Variants in B4GALT1 observed in about 807,000 individuals in gnomAD.
The protein encoded by B4GALT1 is N-acetyllactosamine synthase.
Under a neutral mutation model 34.9 loss-of-function variants are expected in B4GALT1, and 16 were observed. The observed-to-expected ratio is 0.46, with a 90% CI of 0.31 to 0.70. The LOEUF (loss-of-function observed/expected upper bound fraction) is 0.70. Among genes scored for constraint, B4GALT1 ranks in the 30% least tolerant of loss-of-function variants. The pLI is 0.05. For synonymous variants in B4GALT1, 221 were observed against 218.1 expected (o/e 1.01, Z -0.12); for missense variants, 445 against 530.5 (o/e 0.84, Z 1.58).
In B4GALT1 at chr9:33,167,116, G is replaced by C. The variant is rs765761193; in HGVS notation, c.54C>G (p.Ser18=). 6.2e-6 allele frequency: 10 copies of C among 1,603,864 alleles called. No individual in the cohort carries two copies. The African/African-American group carries it at 9.4e-5, about 15-fold the overall frequency. The part of the protein sequence containing the change: ...LSGSAAMPGA[S]LQRACRLLVA... ...CGAGCAGGCGGCAGGCCCGCTGTAG[G>C]GACGCGCCTGGCATCGCGGCGCTGC... Residue 18 remains serine, a synonymous_variant, in exon 1 of 6, where the codon TCC becomes TCG. Transcript: ENST00000379731.
chr9:33,181,581 T>C, the B4GALT1 span, among the ~76,000 whole-genome samples: 1 of 152,218 alleles, frequency 6.6e-6, no homozygotes, highest in African/African-American at 2.4e-5. Context: ...CACTCTTCCC[T>C]ATGTGGTTGG....
intron 3 of B4GALT1, among the ~76,000 whole-genome samples, chr9:33,120,081 G>A (rs368895702): frequency 6.6e-6 from 1 of 152,028 alleles, no homozygotes; most frequent in African/African-American, 2.4e-5. Context: ...CTACTCAGGA[G>A]GCTGAGGTGA....
intron 4 of B4GALT1, among the ~76,000 whole-genome samples, chr9:33,114,251 G>A (rs1206395673): frequency 1.3e-5 from 2 of 152,248 alleles, no homozygotes; most frequent in Non-Finnish European, 2.9e-5. Context: ...AACCTCTGCT[G>A]GAGCAAGCCT....
In B4GALT1 at chr9:33,112,766, CT is replaced by C. The variant is rs1839882009; in HGVS notation, c.*687del. On this transcript the variant is annotated 3_prime_UTR_variant, in exon 6 of 6. Coordinates refer to ENST00000379731, the MANE Select transcript of B4GALT1 (RefSeq NM_001497.4). ...TACTATTTAAAAAAAAACACAACAA[CT>C]TTACATTCAGAAATCAGACAATCTG... 6.5e-6 allele frequency: 1 copy of C among 153,012 alleles called. No individual in the cohort carries two copies. The allele number at this position is 153,012 out of a possible 1,614,324, so 9.5% of individuals were successfully genotyped here. A position where few individuals can be genotyped will look rare whatever the true frequency, so the allele number is the denominator to read the frequency against.
chr9:33,166,052 C>G (rs1316396826), intron 1 of B4GALT1, among the ~76,000 whole-genome samples: 2 of 152,170 alleles, frequency 1.3e-5, no homozygotes, highest in Admixed American at 6.5e-5. Flanking sequence ...TTTGGGTACC[C>G]ATACCAGGAG....
At position 33,111,505 on chromosome 9, in the gene B4GALT1, G is replaced by C. The variant is rs1329144530; in HGVS notation, c.*1949C>G. ...GGGAACTGACAGAGAAATACTTTTTGCATAGTCCAGCTGCTTCTGCAATGG... is the reference window on the plus strand; with the variant it reads ...GGGAACTGACAGAGAAATACTTTTTCCATAGTCCAGCTGCTTCTGCAATGG... On this transcript the variant is annotated 3_prime_UTR_variant, in exon 6 of 6. Transcript: ENST00000379731. 6.6e-6 allele frequency: 1 copy of C among 152,522 alleles called. No homozygotes were observed. The highest frequency in any genetic ancestry group is 1.5e-5 in the Non-Finnish European group (1 of 68,020). The allele number at this position is 152,522 out of a possible 1,614,324, so 9.4% of individuals were successfully genotyped here. A position where few individuals can be genotyped will look rare whatever the true frequency, so the allele number is the denominator to read the frequency against.
intron 1 of B4GALT1, among the ~76,000 whole-genome samples, chr9:33,146,079 A>G (rs1448547199): frequency 6.6e-6 from 1 of 152,234 alleles, no homozygotes; most frequent in East Asian, 1.9e-4. Context: ...TGGGGTCAAG[A>G]AAGAGTGACT....
chr9:33,121,241 T>C (rs745634635), intron 2 of B4GALT1, among the ~76,000 whole-genome samples: 4 of 152,144 alleles, frequency 2.6e-5, no homozygotes, highest in Non-Finnish European at 4.4e-5. Flanking sequence ...CAGAAGGCCA[T>C]GCCATACACA....
At chr9:33,127,157 G>A (rs113947474) in intron 2 of B4GALT1, among the ~76,000 whole-genome samples, 2,165 of 152,156 alleles carry the variant, frequency 0.014, 63 homozygotes, top group African/African-American at 0.05. Context: ...TAGAGACGGG[G>A]TTTCACCATG....
chr9:33,158,151 G>T (rs1840624250), intron 1 of B4GALT1, among the ~76,000 whole-genome samples: 1 of 152,074 alleles, frequency 6.6e-6, no homozygotes, highest in Non-Finnish European at 1.5e-5. Flanking sequence ...CTGGAATCTA[G>T]GAGGTAGAGA....
At chr9:33,129,208 AT>A (rs768862342) in intron 2 of B4GALT1, among the ~76,000 whole-genome samples, 22 of 152,128 alleles carry the variant, frequency 1.4e-4, no homozygotes, top group African/African-American at 5.3e-4. Context: ...GAGGTTCAAA[AT>A]TCAAAGTGAG....
chr9:33,134,870 G>A (rs1351973487), intron 2 of B4GALT1, among the ~76,000 whole-genome samples: 1 of 152,218 alleles, frequency 6.6e-6, no homozygotes, highest in Non-Finnish European at 1.5e-5. Flanking sequence ...CACAAAGCCA[G>A]GGAATAATCA....
At position 33,167,250 on chromosome 9, in the gene B4GALT1, C is replaced by T. The variant is rs534982786; in HGVS notation, c.-81G>A. On this transcript the variant is annotated 5_prime_UTR_variant, in exon 1 of 6. Coordinates refer to ENST00000379731, the MANE Select transcript of B4GALT1 (RefSeq NM_001497.4). ...CGCGGGCCGCCCGCCAGGCGCTGCC[C>T]CACAGCGGCGACTAGGGGAGGGCCC... 2.2e-5 allele frequency: 31 copies of T among 1,425,816 alleles called. No homozygotes were observed. The South Asian group carries it at 4.4e-4, about 20-fold the overall frequency. The allele number at this position is 1,425,816 out of a possible 1,614,324, so 88.3% of individuals were successfully genotyped here. A position where few individuals can be genotyped will look rare whatever the true frequency, so the allele number is the denominator to read the frequency against.
chr9:33,138,348 A>T (rs1840301214), intron 1 of B4GALT1, among the ~76,000 whole-genome samples: 1 of 152,208 alleles, frequency 6.6e-6, no homozygotes, highest in Non-Finnish European at 1.5e-5. Context: ...TGTAAACTGC[A>T]GGGACAGGAC....
upstream of B4GALT1, among the ~76,000 whole-genome samples, chr9:33,168,023 G>A (rs1458961723): frequency 6.6e-6 from 1 of 152,202 alleles, no homozygotes; most frequent in Non-Finnish European, 1.5e-5. Context: ...TGTGTGGCGG[G>A]AGTCCTGTAT....
At chr9:33,107,860 G>A (rs949241941), downstream of B4GALT1, among the ~76,000 whole-genome samples, 6 of 152,124 alleles carry the variant, frequency 3.9e-5, no homozygotes, top group African/African-American at 1.4e-4. Context: ...GGGAGTGGAA[G>A]GGTGGGGGAA....
intron 1 of B4GALT1, among the ~76,000 whole-genome samples, chr9:33,150,574 T>C (rs914186714): frequency 2.6e-5 from 4 of 152,238 alleles, no homozygotes; most frequent in Admixed American, 2.6e-4. Context: ...AGTGGTTGCC[T>C]GGGATTAAGG....
chr9:33,110,357 G>A (rs538579306), downstream of B4GALT1, among the ~76,000 whole-genome samples: 1 of 152,308 alleles, frequency 6.6e-6, no homozygotes, highest in East Asian at 1.9e-4. Flanking sequence ...AGAACTGCTA[G>A]GGGAAAAAAA....
At chr9:33,106,193 TA>T (rs1291374221), downstream of B4GALT1, among the ~76,000 whole-genome samples, 1 of 152,260 alleles carries the variant, frequency 6.6e-6, no homozygotes, top group Admixed American at 6.5e-5. Context: ...TTCTGGTTTT[TA>T]AAATAATAAC....
Sources: gnomAD v4.1 joint callset for allele counts (sites outside exome capture counted in the v4.1 genomes callset) on GRCh38, gnomAD v4.1.1 for gene constraint, MANE v1.5 for transcripts, NCBI Gene and HGNC (gene_info 2026-07-23, HGNC 2026-07-21) for gene names.